Variants in GDAP1 observed in about 807,000 individuals in gnomAD.
GDAP1 encodes the protein ganglioside induced differentiation associated protein 1.
A neutral mutation model predicts 40.1 loss-of-function variants in GDAP1; 34 were observed. The ratio of observed to expected loss-of-function variants is 0.85; its 90% CI spans 0.64 to 1.13. The LOEUF is 1.13. GDAP1 is among the 50% of genes most tolerant of loss of function. The probability of loss-of-function intolerance (pLI) is 0.00; values close to 1 mark genes in which losing one functional copy is unlikely to be tolerated. For synonymous variants in GDAP1, 170 were observed against 157.4 expected (o/e 1.08, Z -0.60); for missense variants, 374 against 433.7 (o/e 0.86, Z 1.22).
At chr8:74,470,917 T>TGTC (rs1806544890) in intron 2 of GDAP1, among the ~76,000 whole-genome samples, 1 of 152,188 alleles carries the variant, frequency 6.6e-6, no homozygotes, top group Admixed American at 6.5e-5. Context: ...CAGCACCTGT[T>TGTC]TCCTGACTTT....
chr8:74,480,855 C>T (rs1019399670), intron 2 of GDAP1, among the ~76,000 whole-genome samples: 1 of 152,152 alleles, frequency 6.6e-6, no homozygotes, highest in African/African-American at 2.4e-5. Context: ...CAGACCTGTT[C>T]TCCTATATTT....
intron 2 of GDAP1, among the ~76,000 whole-genome samples, chr8:74,398,891 G>C (rs1422293345): frequency 6.6e-6 from 1 of 152,110 alleles, no homozygotes; most frequent in Non-Finnish European, 1.5e-5. Flanking sequence ...GCATCGCAGG[G>C]ATGAAGCCCA....
At chr8:74,444,604 T>C (rs558536983) in intron 2 of GDAP1, among the ~76,000 whole-genome samples, 4 of 152,282 alleles carry the variant, frequency 2.6e-5, no homozygotes, top group Non-Finnish European at 5.9e-5. Flanking sequence ...TAAAGATCTG[T>C]AAAATTTCCA....
intron 2 of GDAP1, among the ~76,000 whole-genome samples, chr8:74,422,338 TTTCTTTCTTTCTTCCCTTCCTTCCTTCC>T (rs1321018580): frequency 1.7e-3 from 101 of 58,778 alleles, no homozygotes; most frequent in African/African-American, 3.8e-3. Flanking sequence ...TCTTTCTTTC[TTTCTTTCTTTCTTCCCTTCCTTCCTTCC>T]TTCCTTCCTT....
chr8:74,423,731 G>C (rs1288991363), intron 2 of GDAP1, among the ~76,000 whole-genome samples: 2 of 152,046 alleles, frequency 1.3e-5, no homozygotes, highest in Non-Finnish European at 2.9e-5. Flanking sequence ...AAAGTGATGA[G>C]AGCCGGATGG....
intron 2 of GDAP1, among the ~76,000 whole-genome samples, chr8:74,353,854 A>G (rs2131500679): frequency 6.6e-6 from 1 of 152,340 alleles, no homozygotes; most frequent in South Asian, 2.1e-4. Context: ...GTGGAAATTT[A>G]GAATAGATTG....
At chr8:74,398,036 T>C (rs7843497) in intron 2 of GDAP1, among the ~76,000 whole-genome samples, 150,879 of 150,998 alleles carry the variant, frequency 1, 75,381 homozygotes, top group Middle Eastern at 1. Flanking sequence ...TTTCATTGAG[T>C]AGTGGTTTGT....
At chr8:74,474,152 G>T (rs1013949543) in intron 2 of GDAP1, among the ~76,000 whole-genome samples, 1 of 152,192 alleles carries the variant, frequency 6.6e-6, no homozygotes, top group African/African-American at 2.4e-5. Context: ...TGTAATCTGA[G>T]ACTTTGCTGA....
intron 2 of GDAP1, among the ~76,000 whole-genome samples, chr8:74,455,369 C>T (rs1586839930): frequency 6.6e-6 from 1 of 151,708 alleles, no homozygotes; most frequent in Admixed American, 6.6e-5. Context: ...GTGAGATAAT[C>T]CATTATTTTA....
intron 2 of GDAP1, among the ~76,000 whole-genome samples, chr8:74,397,880 C>T (rs1266369223): frequency 6.6e-6 from 1 of 151,282 alleles, no homozygotes; most frequent in African/African-American, 2.4e-5. Context: ...TAGTTTTTTC[C>T]AATTCTGTGA....
At chr8:74,359,578 G>C (rs1336212586) in intron 2 of GDAP1, among the ~76,000 whole-genome samples, 1 of 152,174 alleles carries the variant, frequency 6.6e-6, no homozygotes, top group Non-Finnish European at 1.5e-5. Flanking sequence ...TCTTGATGTT[G>C]GTTGGCACCT....
Position 74,364,082 on chromosome 8 carries a change from A to C in GDAP1, c.792A>C (p.Ala264=). 4 of 1,614,160 alleles carry C rather than the reference A, an allele frequency of 2.5e-6. No homozygotes were observed. Among genetic ancestry groups the C allele is most frequent in the Non-Finnish European group, 3.4e-6 (4 of 1,180,002 alleles). The change falls in exon 6 of 6, where the codon GCA becomes GCC. Residue 264 remains alanine (A), a synonymous_variant. Transcript: ENST00000220822. Reference sequence around the variant, plus strand: ...ATCGACTGAAGTTCCTGGGGTTTGCAAGGAGAAACTGGGGAAACGGAAAGC... The same window carrying C: ...ATCGACTGAAGTTCCTGGGGTTTGCCAGGAGAAACTGGGGAAACGGAAAGC... The part of the protein sequence containing the change: ...TLHRLKFLGF[A]RRNWGNGKRP...
intron 2 of GDAP1, among the ~76,000 whole-genome samples, chr8:74,487,843 G>A (rs1411049384): frequency 1.3e-5 from 2 of 152,134 alleles, no homozygotes; most frequent in Non-Finnish European, 2.9e-5. Context: ...ATCAGCTGAA[G>A]GATATGGACC....
rs887075542 is a variant in GDAP1 at position 74,365,156 on chromosome 8, G to A, written c.*789G>A. ...AGGTGAATGTCCCAGCTAATCACTA[G>A]CATGTCTAGGTATTGGCTGGGTAGT... On this transcript the variant is annotated 3_prime_UTR_variant, in exon 6 of 6. Coordinates refer to ENST00000220822, the MANE Select transcript of GDAP1 (RefSeq NM_018972.4). 6.6e-6 allele frequency: 3 copies of A among 454,114 alleles called. No individual in the cohort carries two copies. The highest frequency in any genetic ancestry group is 1.3e-5 in the Non-Finnish European group (3 of 226,796). The allele number at this position is 454,114 out of a possible 1,614,324, so 28.1% of individuals were successfully genotyped here. A position where few individuals can be genotyped will look rare whatever the true frequency, so the allele number is the denominator to read the frequency against.
At chr8:74,398,030 A>G (rs201635233) in intron 2 of GDAP1, among the ~76,000 whole-genome samples, 5 of 151,038 alleles carry the variant, frequency 3.3e-5, no homozygotes, top group East Asian at 1.9e-4. Context: ...CTTTTATTTC[A>G]TTGAGTAGTG....
chr8:74,450,562 G>A (rs534191887), intron 2 of GDAP1, among the ~76,000 whole-genome samples: 1 of 151,746 alleles, frequency 6.6e-6, no homozygotes, highest in African/African-American at 2.4e-5. Flanking sequence ...CATTTCTCTG[G>A]TAGTATTTTG....
At chr8:74,361,042 C>G (rs1279402504) in intron 3 of GDAP1, among the ~76,000 whole-genome samples, 1 of 152,026 alleles carries the variant, frequency 6.6e-6, no homozygotes, top group Non-Finnish European at 1.5e-5. Context: ...GATACCCCTC[C>G]TTTTCCTCTC....
At chr8:74,416,654 A>G (rs948747514) in intron 2 of GDAP1, among the ~76,000 whole-genome samples, 9 of 150,008 alleles carry the variant, frequency 6.0e-5, no homozygotes, top group Non-Finnish European at 1.2e-4. Flanking sequence ...TCTGGTACGC[A>G]TTGCTGGGAG....
In GDAP1 at chr8:74,475,332, G is replaced by T. The variant is rs1430543720; in HGVS notation, c.166-13346G>T. Among the ~76,000 whole-genome samples the T allele has an allele frequency of 2.0e-5, 3 of 151,710 alleles. No homozygotes were observed. The East Asian group carries it at 5.8e-4, about 29-fold the overall frequency. ...ATTCCTTGTCTCTGCTAGCTTTGGG[G>T]TTGGTTTGCTCTTGCTTCTCTGGTT... is the stretch of plus-strand genomic sequence containing the variant. On this transcript the variant is annotated intron_variant, in intron 2 of 2. Coordinates refer to the GDAP1 transcript ENST00000523640.
Sources: allele counts gnomAD v4.1 joint callset (sites outside exome capture counted in the v4.1 genomes callset), GRCh38; gene constraint gnomAD v4.1.1; transcripts MANE v1.5; gene names NCBI Gene and HGNC (gene_info 2026-07-23, HGNC 2026-07-21).